Variants in SPECC1 observed in about 807,000 individuals in gnomAD.
SPECC1 encodes sperm antigen with calponin homology and coiled-coil domains 1.
SPECC1 carries 62 observed loss-of-function variants against 104.1 expected under a neutral mutation model. The observed-to-expected ratio is 0.60, with a 90% CI of 0.49 to 0.74. The LOEUF is 0.74. Ranked by LOEUF, SPECC1 falls within the 30% of genes least tolerant of loss-of-function variation. The pLI, the probability that SPECC1 is intolerant of heterozygous loss-of-function variation, is 0.00. For synonymous variants in SPECC1, 513 were observed against 501.6 expected, an observed-to-expected ratio of 1.02 and a Z score of -0.30; for missense variants, 1,306 against 1,310.5, an observed-to-expected ratio of 1.00 and a Z score of 0.05.
rs2042025090 is a variant in SPECC1 at position 20,315,232 on chromosome 17, C to T, written c.*1167C>T. 4.3e-6 allele frequency: 1 copy of T among 232,718 alleles called. No individual in the cohort carries two copies. Among genetic ancestry groups the T allele is most frequent in the Non-Finnish European group, 8.5e-6 (1 of 117,700 alleles). 14.4% of individuals were successfully genotyped at this position (232,718 alleles called of 1,614,324 possible). A position where few individuals can be genotyped will look rare whatever the true frequency, so the allele number is the denominator to read the frequency against. On this transcript the variant is annotated 3_prime_UTR_variant, in exon 15 of 15. Transcript: ENST00000395527. ...ATTTGGCCTTTAGTGCTTCCCCAGG[C>T]CTCTTTCATCGGCATGGGAAAAGCC...
intron 1 of SPECC1, among the ~76,000 whole-genome samples, chr17:20,033,905 C>A (rs1272217357): frequency 2.0e-5 from 3 of 152,118 alleles, no homozygotes; most frequent in African/African-American, 7.2e-5. Context: ...TTATTGTCAG[C>A]CTCAAATGAC....
intron 2 of SPECC1, among the ~76,000 whole-genome samples, chr17:20,100,286 C>G (rs1024788241): frequency 1.3e-5 from 2 of 152,072 alleles, no homozygotes; most frequent in African/African-American, 4.8e-5. Flanking sequence ...GGTTCTGTTC[C>G]TCTGATTTGA....
At chr17:20,097,628 T>G (rs1176360870) in intron 2 of SPECC1, among the ~76,000 whole-genome samples, 1 of 152,194 alleles carries the variant, frequency 6.6e-6, no homozygotes, top group Admixed American at 6.5e-5. Flanking sequence ...GCAGACACTC[T>G]TGGTGAAGTT....
In SPECC1 at chr17:20,205,230, C is replaced by T; in HGVS notation, c.1181C>T (p.Thr394Ile). The part of the protein sequence containing the change: ...HHSTAEELQA[T>I]LQELSDQQQM... ...AGCACTGCAGAAGAACTACAGGCTA[C>T]TCTACAAGAATTATCAGACCAGCAA... is the stretch of plus-strand genomic sequence containing the variant. The change falls in exon 4 of 15, where the codon ACT becomes ATT. Residue 394 changes from threonine to isoleucine, a missense_variant. Transcript: ENST00000395527. The T allele has an allele frequency of 1.2e-6, 2 of 1,614,110 alleles. No individual in the cohort carries two copies. Among genetic ancestry groups the T allele is most frequent in the Non-Finnish European group, 8.5e-7 (1 of 1,180,028 alleles).
intron 13 of SPECC1, among the ~76,000 whole-genome samples, chr17:20,301,818 GCCTCAA>G (rs1226895068): frequency 1.1e-4 from 17 of 152,196 alleles, no homozygotes; most frequent in Middle Eastern, 3.4e-3. Flanking sequence ...CGATTCTCCT[GCCTCAA>G]CCTCTCGAGT....
chr17:20,232,166 C>T lies in SPECC1; in HGVS notation c.2146-34C>T, dbSNP rs188038811. 362 of 1,610,738 alleles carry T rather than the reference C, an allele frequency of 2.2e-4. No individual in the cohort carries two copies. In the African/African-American group the frequency reaches 4.1e-3, roughly 18 times the overall value. ...CTGCCCAGGCACTGGCCCTGGCAGGCGTCTGACATAAGGATGGGCTCTGAC... is the reference window on the plus strand; with the variant it reads ...CTGCCCAGGCACTGGCCCTGGCAGGTGTCTGACATAAGGATGGGCTCTGAC... On this transcript the variant is annotated intron_variant, in intron 6 of 14. Coordinates refer to ENST00000395527, the MANE Select transcript of SPECC1 (RefSeq NM_001243439.2).
At chr17:20,144,430 A>T (rs913547358) in intron 3 of SPECC1, among the ~76,000 whole-genome samples, 18 of 151,664 alleles carry the variant, frequency 1.2e-4, no homozygotes, top group Admixed American at 7.2e-4. Context: ...AGCTCAAGTG[A>T]TCTTCTTGCC....
intron 3 of SPECC1, among the ~76,000 whole-genome samples, chr17:20,196,670 C>A (rs1318780169): frequency 6.6e-6 from 1 of 151,456 alleles, no homozygotes; most frequent in Admixed American, 6.6e-5. Context: ...ATACCAAGAT[C>A]TTTTCTTATA....
At chr17:20,049,798 TTTTCTTTTC>T (rs1267949006) in intron 1 of SPECC1, among the ~76,000 whole-genome samples, 2 of 152,018 alleles carry the variant, frequency 1.3e-5, no homozygotes, top group African/African-American at 4.8e-5. Flanking sequence ...ATTTTCATTT[TTTTCTTTTC>T]TTTCTTTATT....
chr17:20,149,887 A>G (rs2031827147), intron 3 of SPECC1, among the ~76,000 whole-genome samples: 1 of 152,226 alleles, frequency 6.6e-6, no homozygotes, highest in African/African-American at 2.4e-5. Flanking sequence ...TGTACTTAGA[A>G]TAGTGCCTGG....
chr17:20,154,931 G>A (rs576084333), intron 3 of SPECC1, among the ~76,000 whole-genome samples: 11 of 152,202 alleles, frequency 7.2e-5, no homozygotes, highest in South Asian at 4.1e-4. Flanking sequence ...CTGGAAGAAC[G>A]GAACTGCCAC....
At chr17:20,125,750 A>G (rs1187816857) in intron 3 of SPECC1, among the ~76,000 whole-genome samples, 2 of 152,188 alleles carry the variant, frequency 1.3e-5, no homozygotes, top group Non-Finnish European at 2.9e-5. Flanking sequence ...GGATAGCCAC[A>G]CTTTGTTTAT....
chr17:20,062,948 A>G (rs544953507), intron 1 of SPECC1, among the ~76,000 whole-genome samples: 8 of 152,142 alleles, frequency 5.3e-5, no homozygotes, highest in Non-Finnish European at 1.2e-4. Flanking sequence ...ACAGCCTCCT[A>G]AAGTGCTGGA....
At chr17:20,245,632 A>C (rs565010106) in intron 7 of SPECC1, among the ~76,000 whole-genome samples, 177 of 152,288 alleles carry the variant, frequency 1.2e-3, no homozygotes, top group African/African-American at 4.2e-3. Context: ...AAAAATGCAC[A>C]ATTTGCAGAG....
At chr17:20,253,448 TTG>T (rs2039706136) in intron 9 of SPECC1, 55 bp from the exon 10 acceptor site, 20 of 1,504,402 alleles carry the variant, frequency 1.3e-5, no homozygotes, top group Non-Finnish European at 1.8e-5. Flanking sequence ...ACATCTGTGT[TTG>T]TGCTATTCTT....
chr17:20,178,335 G>A (rs993903585), intron 3 of SPECC1, among the ~76,000 whole-genome samples: 1 of 152,138 alleles, frequency 6.6e-6, no homozygotes, highest in African/African-American at 2.4e-5. Flanking sequence ...AGACCCCAGT[G>A]TGCCCTTTCA....
At position 20,317,845 on chromosome 17, in the gene SPECC1, C is replaced by T. The variant is rs1041601347; in HGVS notation, c.*3780C>T. On this transcript the variant is annotated 3_prime_UTR_variant, in exon 15 of 15. Transcript: ENST00000395527. ...AGGAATAGGCCTTCTAGCACAGCAG[C>T]TAGTAGGGCTCCCCCAAGCCATCCG... 8 of 225,654 alleles carry T rather than the reference C, an allele frequency of 3.5e-5. No homozygotes were observed. Among genetic ancestry groups the T allele is most frequent in the African/African-American group, 1.6e-4 (7 of 44,958 alleles). The allele number at this position is 225,654 out of a possible 1,614,324, so 14.0% of individuals were successfully genotyped here. A position where few individuals can be genotyped will look rare whatever the true frequency, so the allele number is the denominator to read the frequency against.
chr17:20,017,775 G>A (rs763276430), intron 1 of SPECC1, among the ~76,000 whole-genome samples: 2 of 152,070 alleles, frequency 1.3e-5, no homozygotes, highest in Admixed American at 6.6e-5. Context: ...CACAAAGATC[G>A]TCACATACCA....
intron 1 of SPECC1, among the ~76,000 whole-genome samples, chr17:20,033,783 A>G (rs150460292): frequency 8.5e-5 from 13 of 152,294 alleles, no homozygotes; most frequent in Non-Finnish European, 1.8e-4. Context: ...CTGGGGAACA[A>G]ATTTCAACAT....
Sources: gnomAD v4.1 joint callset for allele counts (sites outside exome capture counted in the v4.1 genomes callset) on GRCh38, gnomAD v4.1.1 for gene constraint, MANE v1.5 for transcripts, NCBI Gene and HGNC (gene_info 2026-07-23, HGNC 2026-07-21) for gene names.